HEXB: variants seen among roughly 807,000 people sequenced by gnomAD.
The protein encoded by HEXB is hexosaminidase subunit beta.
Under a neutral mutation model 71.2 loss-of-function variants are expected in HEXB, and 51 were observed. The observed-to-expected ratio is 0.72, with a 90% CI of 0.57 to 0.90. The LOEUF (loss-of-function observed/expected upper bound fraction) is 0.90. Among genes scored for constraint, HEXB ranks in the 40% least tolerant of loss-of-function variants. The probability of loss-of-function intolerance (pLI) is 0.00; values close to 1 mark genes in which losing one functional copy is unlikely to be tolerated. For synonymous variants in HEXB, 266 were observed against 249.3 expected (o/e 1.07, Z -0.63); for missense variants, 617 against 677.0 (o/e 0.91, Z 0.98).
chr5:74,709,853 G>A (rs1436022442), intron 6 of HEXB, among the ~76,000 whole-genome samples: 1 of 152,112 alleles, frequency 6.6e-6, no homozygotes, highest in East Asian at 1.9e-4. Context: ...AATTCTACCA[G>A]AGGTACAAGG....
chr5:74,698,866 A>T (rs1749180526), intron 5 of HEXB, among the ~76,000 whole-genome samples: 1 of 152,036 alleles, frequency 6.6e-6, no homozygotes, highest in African/African-American at 2.4e-5. Context: ...TTTATGTGCT[A>T]CTTGTCTCAT....
chr5:74,713,443 TAAC>T, intron 6 of HEXB, 60 bp from the exon 7 acceptor site: 1 of 1,532,094 alleles, frequency 6.5e-7, no homozygotes, highest in South Asian at 1.1e-5. Context: ...GCACAATTGT[TAAC>T]AATTTCCAGG....
intron 5 of HEXB, among the ~76,000 whole-genome samples, chr5:74,698,485 G>A (rs181490726): frequency 0.085 from 12,770 of 150,232 alleles, 1,242 homozygotes; most frequent in African/African-American, 0.23. Context: ...TCCGCCTCCC[G>A]GATTCAAGCA....
chr5:74,647,507 A>G (rs188996608), intron 1 of HEXB, among the ~76,000 whole-genome samples: 6 of 152,376 alleles, frequency 3.9e-5, no homozygotes, highest in African/African-American at 1.2e-4. Flanking sequence ...GAATGAAGAA[A>G]GAGATAGAGA....
intron 1 of HEXB, among the ~76,000 whole-genome samples, chr5:74,678,539 G>A (rs1361224957): frequency 6.7e-6 from 1 of 150,344 alleles, no homozygotes; most frequent in Non-Finnish European, 1.5e-5. Context: ...GAAAAAAAAA[G>A]CCTTACCTTA....
intron 2 of HEXB, among the ~76,000 whole-genome samples, chr5:74,692,564 G>A (rs1749027481): frequency 6.6e-6 from 1 of 152,150 alleles, no homozygotes; most frequent in Non-Finnish European, 1.5e-5. Flanking sequence ...TTCTTAGCCT[G>A]GCATTGGCTA....
At chr5:74,713,667 T>C in intron 7 of HEXB, 32 bp downstream of exon 7, 1 of 1,574,774 alleles carries the variant, frequency 6.4e-7, no homozygotes, top group South Asian at 1.1e-5. Context: ...CATTTTATCT[T>C]ATTTTTTATT....
chr5:74,692,071 A>G (rs771009411), intron 2 of HEXB, among the ~76,000 whole-genome samples: 2 of 152,240 alleles, frequency 1.3e-5, no homozygotes, highest in Non-Finnish European at 2.9e-5. Flanking sequence ...AATAATTGGT[A>G]TCAAATATAT....
At chr5:74,685,098 CGAG>C (rs1194011543), upstream of HEXB, 1 of 737,388 alleles carries the variant, frequency 1.4e-6, no homozygotes, top group Non-Finnish European at 2.0e-6. Flanking sequence ...GCGGGCTGGG[CGAG>C]GACGCTCCCG....
intron 1 of HEXB, among the ~76,000 whole-genome samples, chr5:74,643,867 G>A (rs1747952826): frequency 6.6e-6 from 1 of 152,178 alleles, no homozygotes. Context: ...ATTCAGACAT[G>A]TTCCCTGCTG....
rs761575773 is a variant in HEXB, at chr5:74,685,438, C to A, written c.178C>A (p.Pro60Thr). Residue 60 changes from proline to threonine, a missense_variant, in exon 1 of 14, where the codon CCG (proline) becomes ACG (threonine). Coordinates refer to ENST00000261416, the MANE Select transcript of HEXB (RefSeq NM_000521.4). The stretch of plus-strand genomic sequence containing the variant: ...GCCGGGGCCGGCGCTGTGGCCCCTG[C>A]CGCTCTTGGTGAAGATGACCCCGAA... ...AKPGPALWPL[P>T]LLVKMTPNLL... 1 of 1,609,342 alleles carries A rather than the reference C, an allele frequency of 6.2e-7. No homozygotes were observed. Among genetic ancestry groups the A allele is most frequent in the Admixed American group, 1.7e-5 (1 of 59,708 alleles).
chr5:74,687,756 G>A (rs929366702), intron 1 of HEXB, among the ~76,000 whole-genome samples: 19 of 151,914 alleles, frequency 1.3e-4, no homozygotes, highest in African/African-American at 4.6e-4. Flanking sequence ...TATGTATTTC[G>A]GTGGTCTTAA....
rs1269197067 is a variant in HEXB at position 74,652,476 on chromosome 5, GAT to G, written c.-377+11919_-377+11920del. The stretch of plus-strand genomic sequence containing the variant: ...AATTGCAGCCGCTCCCATGTGTTGG[GAT>G]GTTTTGCAAAATTTTTTACATTCAA... On this transcript the variant is annotated intron_variant, in intron 1 of 13. Coordinates refer to the HEXB transcript ENST00000511181. The surrounding 1 kb of genome is among the most constrained non-coding windows in gnomAD (Gnocchi z 5.4). Among the ~76,000 whole-genome samples, 2 of 152,216 alleles carry G rather than the reference GAT, an allele frequency of 1.3e-5. No individual in the cohort carries two copies. Among genetic ancestry groups the G allele is most frequent in the Admixed American group, 1.3e-4 (2 of 15,278 alleles).
At chr5:74,699,077 T>A (rs1323585821) in intron 5 of HEXB, among the ~76,000 whole-genome samples, 1 of 151,830 alleles carries the variant, frequency 6.6e-6, no homozygotes, top group Non-Finnish European at 1.5e-5. Flanking sequence ...TCCAGCTACT[T>A]GGGAGGCTGA....
chr5:74,705,349 C>T, intron 6 of HEXB, 29 bp downstream of exon 6: 1 of 1,152,064 alleles, frequency 8.7e-7, no homozygotes. Context: ...ACTCTGTCTA[C>T]AAAAACATTG....
intron 6 of HEXB, among the ~76,000 whole-genome samples, chr5:74,708,693 GA>G (rs1371646731): frequency 6.6e-6 from 1 of 150,812 alleles, no homozygotes; most frequent in South Asian, 2.1e-4. Flanking sequence ...AAGAGACAAA[GA>G]AGGCCATTAC....
At chr5:74,656,670 T>A (rs951774380) in intron 1 of HEXB, among the ~76,000 whole-genome samples, 1 of 152,166 alleles carries the variant, frequency 6.6e-6, no homozygotes. Context: ...AGTGGCATGA[T>A]CTTGGCTCAC....
intron 6 of HEXB, among the ~76,000 whole-genome samples, chr5:74,706,366 G>A (rs913603537): frequency 6.6e-6 from 1 of 152,248 alleles, no homozygotes; most frequent in Non-Finnish European, 1.5e-5. Context: ...CAGCATGAGC[G>A]ACACAGAAGA....
At chr5:74,690,292 A>G (rs764064782) in intron 2 of HEXB, among the ~76,000 whole-genome samples, 34 of 152,290 alleles carry the variant, frequency 2.2e-4, no homozygotes, top group Non-Finnish European at 4.6e-4. Flanking sequence ...GAATCAAAGA[A>G]GGGCAGTATA....
Sources: allele counts gnomAD v4.1 joint callset (sites outside exome capture counted in the v4.1 genomes callset), GRCh38; gene constraint gnomAD v4.1.1; non-coding constraint Gnocchi (gnomAD v3.1); transcripts MANE v1.5; gene names NCBI Gene and HGNC (gene_info 2026-07-23, HGNC 2026-07-21).